MUC3A: variants seen among roughly 807,000 people sequenced by gnomAD.
MUC3A encodes mucin 3A, cell surface associated, also known as mucin-3A.
MUC3A carries 109 observed loss-of-function variants against 109.0 expected under a neutral mutation model. The ratio of observed to expected loss-of-function variants is 1.00; its 90% CI spans 0.86 to 1.17. The LOEUF (loss-of-function observed/expected upper bound fraction) is 1.17. Among genes scored for constraint, MUC3A ranks in the 50% most tolerant of loss-of-function variants. MUC3A has a pLI of 0.00. For missense variants in MUC3A, 3,537 were observed against 2,469.4 expected, an observed-to-expected ratio of 1.43 and a Z score of -9.16; for synonymous variants, 1,398 against 981.4, an observed-to-expected ratio of 1.42 and a Z score of -7.93.
chr7:100,952,003 C>T lies in MUC3A; in HGVS notation c.224C>T (p.Pro75Leu), dbSNP rs780763909. The T allele has an allele frequency of 1.9e-6, 3 of 1,598,684 alleles. No individual in the cohort carries two copies. The highest frequency in any genetic ancestry group is 2.5e-6 in the Non-Finnish European group (3 of 1,179,824). ...SPAPGHRENA[P>L]MTLTTSPHDT... ...GCTCCTGGCCACAGGGAAAATGCAC[C>T]TATGACACTCACTACCTCCCCCCAT... The change falls in exon 2 of 12, where the codon CCT becomes CTT. Residue 75 changes from proline to leucine, a missense_variant. Coordinates refer to ENST00000379458, the MANE Select transcript of MUC3A (RefSeq NM_005960.2).
At position 100,952,915 on chromosome 7, in the gene MUC3A, C is replaced by G; in HGVS notation, c.1136C>G (p.Thr379Arg). The G allele has an allele frequency of 1.3e-6, 2 of 1,586,862 alleles. No individual in the cohort carries two copies. The highest frequency in any genetic ancestry group is 8.5e-7 in the Non-Finnish European group (1 of 1,174,106). ...TCTTCCTCTCTCCCAACCACAGAAACAGCCACGACTCCTATGACAAACTTG... is the reference window on the plus strand; with the variant it reads ...TCTTCCTCTCTCCCAACCACAGAAAGAGCCACGACTCCTATGACAAACTTG... Reference protein sequence around the residue: ...PTSSSLPTTETATTPMTNLVT... With the variant: ...PTSSSLPTTERATTPMTNLVT... Residue 379 changes from threonine to arginine, a missense_variant, in exon 2 of 12, where the codon ACA (threonine) becomes AGA (arginine). Physicochemically the swap from Thr to Arg is moderately conservative, Grantham distance 71. Transcript: ENST00000379458.
At chr7:100,965,244 C>A in intron 6 of MUC3A, 38 bp from the exon 7 acceptor site, 2 of 1,438,086 alleles carry the variant, frequency 1.4e-6, no homozygotes, top group South Asian at 2.4e-5. Flanking sequence ...ACCCCTTGAT[C>A]TGCCCCGCCC....
chr7:100,964,821 G>A lies in MUC3A; in HGVS notation c.9360G>A (p.Val3120=), dbSNP rs753523224. 6.9e-6 allele frequency: 11 copies of A among 1,597,838 alleles called. No homozygotes were observed. Among genetic ancestry groups the A allele is most frequent in the Non-Finnish European group, 7.6e-6 (9 of 1,179,380 alleles). Residue 3120 remains valine, a synonymous_variant, in exon 6 of 12, where the codon GTG becomes GTA. Transcript: ENST00000379458. ...GGCTGCAGAACGCCAGCCAGGATGT[G>A]AACAGCTGCCAGGACTCCCAGAGTG... ...KEGLQNASQD[V]NSCQDSQTLC... is the part of the protein sequence containing the mutation.
chr7:100,959,940 A>T lies in MUC3A; in HGVS notation c.8161A>T (p.Asn2721Tyr). The change falls in exon 2 of 12, where the codon AAT becomes TAT. Residue 2721 changes from asparagine to tyrosine, a missense_variant. By Grantham distance (143) the Asn-to-Tyr change is moderately radical. Transcript: ENST00000379458. ...TTCACCATACATTTTCAGTACAGAA[A>T]ATGTGGGCTCCGCTTCTATCACAGG... is the stretch of plus-strand genomic sequence containing the variant. ...PSSPYIFSTE[N>Y]VGSASITGFP... 1 of 1,511,276 alleles carries T rather than the reference A, an allele frequency of 6.6e-7. No homozygotes were observed. Among genetic ancestry groups the T allele is most frequent in the South Asian group, 1.3e-5 (1 of 75,030 alleles). The allele number at this position is 1,511,276 out of a possible 1,614,324, so 93.6% of individuals were successfully genotyped here. A position where few individuals can be genotyped will look rare whatever the true frequency, so the allele number is the denominator to read the frequency against.
Position 100,965,750 on chromosome 7 carries a change from C to T in MUC3A, c.9495C>T (p.Phe3165=). ...CCACGGGCTATGAAGAGTTCTACTT[C>T]CCCTTGGTGGAGGCCACCCGGCTCC... ...AAPTGYEEFY[F]PLVEATRLRC... Residue 3165 remains phenylalanine, a synonymous_variant, in exon 8 of 12, where the codon TTC becomes TTT. Transcript: ENST00000379458. The T allele has an allele frequency of 6.3e-7, 1 of 1,598,442 alleles. No individual in the cohort carries two copies. The highest frequency in any genetic ancestry group is 8.5e-7 in the Non-Finnish European group (1 of 1,179,776).
At position 100,957,433 on chromosome 7, in the gene MUC3A, C is replaced by A; in HGVS notation, c.5654C>A (p.Ala1885Asp). The A allele has an allele frequency of 3.7e-6, 3 of 820,052 alleles. No homozygotes were observed. The highest frequency in any genetic ancestry group is 4.2e-5 in the Admixed American group (1 of 23,578). 50.8% of individuals were successfully genotyped at this position (820,052 alleles called of 1,614,324 possible). The stretch of plus-strand genomic sequence containing the variant: ...TCCTCTCTCCTCACCACAGTAACAG[C>A]CACAGTTCCAACAACAAACTTGGTA... ...TSSSLLTTVT[A>D]TVPTTNLVTT... Residue 1885 changes from alanine to aspartate, a missense_variant, in exon 2 of 12, where the codon GCC becomes GAC. Physicochemically the swap from Ala to Asp is moderately radical, Grantham distance 126 (BLOSUM62 -2). Transcript: ENST00000379458.
chr7:100,951,916 A>G lies in MUC3A; in HGVS notation c.137A>G (p.Asn46Ser), dbSNP rs1563057511. ...GAAGCAGCCAGCGCTGTGCTCAGCAATTCTCCACACTCCAGAGACCTGGCT... is the reference window on the plus strand; with the variant it reads ...GAAGCAGCCAGCGCTGTGCTCAGCAGTTCTCCACACTCCAGAGACCTGGCT... ...RAEAASAVLS[N>S]SPHSRDLAGW... The change falls in exon 2 of 12, where the codon AAT (asparagine) becomes AGT (serine). Residue 46 changes from asparagine (N) to serine (S), a missense_variant. Asn to Ser is a conservative substitution (Grantham distance 46, BLOSUM62 1). Coordinates refer to ENST00000379458, the MANE Select transcript of MUC3A (RefSeq NM_005960.2). 1 of 1,598,644 alleles carries G rather than the reference A, an allele frequency of 6.3e-7. No homozygotes were observed. The highest frequency in any genetic ancestry group is 8.5e-7 in the Non-Finnish European group (1 of 1,179,794).
At position 100,959,004 on chromosome 7, in the gene MUC3A, C is replaced by A. The variant is rs113251740; in HGVS notation, c.7225C>A (p.Leu2409Ile). 12 of 1,307,438 alleles carry A rather than the reference C, an allele frequency of 9.2e-6. No homozygotes were observed. In the African/African-American group the frequency reaches 3.6e-4, roughly 40 times the overall value. 81.0% of individuals were successfully genotyped at this position (1,307,438 alleles called of 1,614,324 possible). The change falls in exon 2 of 12, where the codon CTC becomes ATC. Residue 2409 changes from leucine to isoleucine, a missense_variant. Leu to Ile is a conservative substitution (Grantham distance 5). Transcript: ENST00000379458. ...TKTTSHITPG[L>I]TSSITTTETT... ...GACCACCTCACACATTACTCCTGGC[C>A]TCACTTCTTCAATCACCACCACTGA...
At chr7:100,961,200 C>A (rs375978752) in intron 3 of MUC3A, among the ~76,000 whole-genome samples, 439 of 152,194 alleles carry the variant, frequency 2.9e-3, no homozygotes, top group African/African-American at 0.01. Context: ...CCAACTGCTG[C>A]CGGGCCAACA....
intron 10 of MUC3A, 34 bp downstream of exon 10, chr7:100,966,777 C>T (rs771021766): frequency 1.3e-6 from 2 of 1,598,510 alleles, no homozygotes; most frequent in Non-Finnish European, 8.5e-7. Context: ...CAGGCAGAGG[C>T]TTTCCTGGGC....
At chr7:100,949,740 G>A in intron 1 of MUC3A, 55 bp downstream of exon 1, 2 of 1,446,046 alleles carry the variant, frequency 1.4e-6, no homozygotes, top group Non-Finnish European at 1.8e-6. Context: ...TGATGTTCCA[G>A]GAAAGGGGAG....
chr7:100,958,747 G>T lies in MUC3A; in HGVS notation c.6968G>T (p.Ser2323Ile), dbSNP rs748039312. The T allele has an allele frequency of 1.4e-5, 18 of 1,256,052 alleles. No individual in the cohort carries two copies. Among genetic ancestry groups the T allele is most frequent in the Admixed American group, 3.1e-5 (1 of 32,342 alleles). The allele number at this position is 1,256,052 out of a possible 1,614,324, so 77.8% of individuals were successfully genotyped here. A position where few individuals can be genotyped will look rare whatever the true frequency, so the allele number is the denominator to read the frequency against. The stretch of plus-strand genomic sequence containing the variant: ...GAGACCACCTCACACAGTGCTCACA[G>T]CTTCACTTCTTCGATCACCACCACC... ...TTETTSHSAHSFTSSITTTET... is the reference protein window; with the variant it reads ...TTETTSHSAHIFTSSITTTET... Residue 2323 changes from serine to isoleucine, a missense_variant, in exon 2 of 12, where the codon AGC becomes ATC. Physicochemically the swap from Ser to Ile is moderately radical, Grantham distance 142. Transcript: ENST00000379458.
rs763835297 is a variant in MUC3A, at chr7:100,952,175, G to A, written c.396G>A (p.Thr132=). Residue 132 remains threonine (T), a synonymous_variant, in exon 2 of 12, where the codon ACG becomes ACA. Coordinates refer to ENST00000379458, the MANE Select transcript of MUC3A (RefSeq NM_005960.2). The stretch of plus-strand genomic sequence containing the variant: ...CCACCACTGAGTGCGTGTATCCAAC[G>A]AGCTTTATAATCACCATCTCCCACC... ...YSATTECVYP[T]SFIITISHPT... 48 of 1,598,270 alleles carry A rather than the reference G, an allele frequency of 3.0e-5. No homozygotes were observed. Among genetic ancestry groups the A allele is most frequent in the Non-Finnish European group, 3.9e-5 (46 of 1,179,638 alleles).
rs1200298023 is a variant in MUC3A, at chr7:100,965,347, G to T, written c.9448G>T (p.Ala3150Ser). 6.3e-7 allele frequency: 1 copy of T among 1,597,922 alleles called. No individual in the cohort carries two copies. The highest frequency in any genetic ancestry group is 1.7e-5 in the Admixed American group (1 of 59,788). Residue 3150 changes from alanine to serine, a missense_variant and splice_region_variant, in exon 7 of 12, where the codon GCC becomes TCC. Physicochemically the swap from Ala to Ser is moderately conservative, Grantham distance 99 (BLOSUM62 1). Coordinates refer to ENST00000379458, the MANE Select transcript of MUC3A (RefSeq NM_005960.2). ...CAGCAAGACAGAGCTGACCCCGGCA[G>T]GTAAGGGTGGGGTAAAGGGCTGAGT... is the stretch of plus-strand genomic sequence containing the variant. ...NNSKTELTPA[A>S]ICRRAAPTGY...
Position 100,965,736 on chromosome 7 carries a change from G to A in MUC3A, c.9481G>A (p.Glu3161Lys). 4.4e-6 allele frequency: 7 copies of A among 1,598,354 alleles called. No homozygotes were observed. Among genetic ancestry groups the A allele is most frequent in the Non-Finnish European group, 5.9e-6 (7 of 1,179,748 alleles). The change falls in exon 8 of 12, where the codon GAA (glutamate) becomes AAA (lysine). Residue 3161 changes from glutamate to lysine, a missense_variant. By Grantham distance (56) the Glu-to-Lys change is moderately conservative (BLOSUM62 1). Transcript: ENST00000379458. ...ICRRAAPTGY[E>K]EFYFPLVEAT... ...CCGCCGCGCCGCTCCCACGGGCTAT[G>A]AAGAGTTCTACTTCCCCTTGGTGGA...
chr7:100,959,980 C>A lies in MUC3A; in HGVS notation c.8201C>A (p.Ser2734Tyr), dbSNP rs778701841. The change falls in exon 2 of 12, where the codon TCT becomes TAT. Residue 2734 changes from serine (S) to tyrosine (Y), a missense_variant. Physicochemically the swap from Ser to Tyr is moderately radical, Grantham distance 144 (BLOSUM62 -2). Transcript: ENST00000379458. ...TCTATCACAGGCTTTCCTAGTCTCT[C>A]TTCCTCTGCAACTACCAGCACTTCT... ...SASITGFPSL[S>Y]SSATTSTSST... The A allele has an allele frequency of 1.5e-5, 22 of 1,507,828 alleles. No homozygotes were observed. The highest frequency in any genetic ancestry group is 2.3e-5 in the Admixed American group (1 of 44,198). 93.4% of individuals were successfully genotyped at this position (1,507,828 alleles called of 1,614,324 possible). A position where few individuals can be genotyped will look rare whatever the true frequency, so the allele number is the denominator to read the frequency against.
intron 1 of MUC3A, among the ~76,000 whole-genome samples, chr7:100,951,410 G>T (rs78394277): frequency 0.19 from 25,156 of 132,684 alleles, no homozygotes; most frequent in African/African-American, 0.2. Flanking sequence ...GCAGCAGGGT[G>T]CCGGGAGAAG....
chr7:100,962,978 C>T lies in MUC3A; in HGVS notation c.9053-173C>T, dbSNP rs542231849. On this transcript the variant is annotated intron_variant, in intron 3 of 11. Coordinates refer to ENST00000379458, the MANE Select transcript of MUC3A (RefSeq NM_005960.2). ...TCAAGTGATTCTCCTGCCTCAGCCT[C>T]CTGAGGCATAATGCATCCTGGAATT... 5.2e-5 allele frequency among the ~76,000 whole-genome samples: 8 copies of T among 152,426 alleles called. No homozygotes were observed. The East Asian group carries it at 1.3e-3, about 26-fold the overall frequency.
rs1584806867 is a variant in MUC3A, at chr7:100,960,228, A to G, written c.8449A>G (p.Thr2817Ala). Residue 2817 changes from threonine to alanine, a missense_variant, in exon 2 of 12, where the codon ACC (threonine) becomes GCC (alanine). Thr to Ala is a moderately conservative substitution (Grantham distance 58). Transcript: ENST00000379458. Reference protein sequence around the residue: ...PFTTEMVTCPTSISIQTTLTT... With the variant: ...PFTTEMVTCPASISIQTTLTT... ...TACTACCGAAATGGTCACCTGTCCT[A>G]CCTCCATCAGTATCCAAACTACTCT... 2 of 1,598,212 alleles carry G rather than the reference A, an allele frequency of 1.3e-6. No homozygotes were observed. Among genetic ancestry groups the G allele is most frequent in the South Asian group, 1.1e-5 (1 of 91,066 alleles).
Sources: gnomAD v4.1 joint callset for allele counts (sites outside exome capture counted in the v4.1 genomes callset) on GRCh38, gnomAD v4.1.1 for gene constraint, MANE v1.5 for transcripts, NCBI Gene and HGNC (gene_info 2026-07-23, HGNC 2026-07-21) for gene names.